Variants in CD276 observed in about 807,000 individuals in gnomAD.
The protein encoded by CD276 is CD276 antigen.
CD276 carries 34 observed loss-of-function variants against 50.0 expected under a neutral mutation model. The ratio of observed to expected loss-of-function variants is 0.68; its 90% CI spans 0.52 to 0.91. The LOEUF (loss-of-function observed/expected upper bound fraction) is 0.91, where lower values mean the gene tolerates loss of function less well. CD276 is among the 40% of genes least tolerant of loss of function. CD276 has a pLI of 0.00. For missense variants in CD276, 634 were observed against 717.5 expected, an observed-to-expected ratio of 0.88 and a Z score of 1.33; for synonymous variants, 275 against 313.0, an observed-to-expected ratio of 0.88 and a Z score of 1.28.
intron 1 of CD276, among the ~76,000 whole-genome samples, chr15:73,688,188 G>A: frequency 6.6e-6 from 1 of 152,084 alleles, no homozygotes. Flanking sequence ...CAGATGTGTG[G>A]CCTGACAGAG....
At chr15:73,712,784 C>G in intron 9 of CD276, 150 bp from the exon 10 acceptor site, 1 of 797,766 alleles carries the variant, frequency 1.3e-6, no homozygotes, top group Non-Finnish European at 2.0e-6. Flanking sequence ...GTGGTCAGCA[C>G]GGGGGCTGTC....
intron 1 of CD276, among the ~76,000 whole-genome samples, chr15:73,696,688 A>G (rs953728454): frequency 1.3e-5 from 2 of 152,110 alleles, no homozygotes; most frequent in Non-Finnish European, 2.9e-5. Context: ...ACCTGCCCAG[A>G]GTGGCAGGAA....
At chr15:73,686,714 C>T (rs546085112) in intron 1 of CD276, among the ~76,000 whole-genome samples, 33 of 152,274 alleles carry the variant, frequency 2.2e-4, no homozygotes, top group Admixed American at 5.9e-4. Flanking sequence ...AATTCCACAG[C>T]ACCTAAAGAG....
At chr15:73,708,918 T>C (rs1381901994) in intron 7 of CD276, among the ~76,000 whole-genome samples, 4 of 152,222 alleles carry the variant, frequency 2.6e-5, no homozygotes, top group African/African-American at 9.6e-5. Context: ...AGCTGCCATT[T>C]GCGGGGCTGA....
rs147193445 is a variant in CD276, at chr15:73,713,553, C to A, written c.*597C>A. ...CCCCTCCTTCCTCCTCTTGCTCTAG[C>A]CTTAATACTGGCCTTTTCCCTCCCT... On this transcript the variant is annotated 3_prime_UTR_variant, in exon 10 of 10. Coordinates refer to ENST00000318443, the MANE Select transcript of CD276 (RefSeq NM_001024736.2). The A allele has an allele frequency of 1.6e-3, 493 of 313,714 alleles. 2 individuals are homozygous for A. The highest frequency in any genetic ancestry group is 2.5e-3 in the Non-Finnish European group (417 of 163,976). The allele number at this position is 313,714 out of a possible 1,614,324, so 19.4% of individuals were successfully genotyped here.
chr15:73,689,190 G>GTT (rs780983157), intron 1 of CD276, among the ~76,000 whole-genome samples: 188 of 63,160 alleles, frequency 3.0e-3, no homozygotes, highest in South Asian at 9.3e-3. Context: ...TGTGCCTCCT[G>GTT]TGTGTGTGTG....
intron 2 of CD276, among the ~76,000 whole-genome samples, chr15:73,700,170 C>T (rs754402962): frequency 6.6e-6 from 1 of 152,256 alleles, no homozygotes; most frequent in East Asian, 1.9e-4. Context: ...CCTAGATTCG[C>T]CCCCACCTGG....
chr15:73,712,857 G>A (rs1900962960), intron 9 of CD276, 77 bp from the exon 10 acceptor site: 3 of 1,476,966 alleles, frequency 2.0e-6, no homozygotes, highest in South Asian at 1.2e-5. Flanking sequence ...TGGGCTTCTG[G>A]CATAATCCCA....
chr15:73,695,331 C>T (rs748772211), intron 1 of CD276, among the ~76,000 whole-genome samples: 2 of 152,150 alleles, frequency 1.3e-5, no homozygotes, highest in Non-Finnish European at 2.9e-5. Context: ...CAGGCAGTGT[C>T]AGGAGGACGG....
chr15:73,684,120 A>G (rs1011677117), upstream of CD276: 1 of 143,156 alleles, frequency 7.0e-6, no homozygotes, highest in African/African-American at 2.6e-5. Context: ...AAGTGTGGGA[A>G]CGGGGTGGGG....
chr15:73,692,087 C>T (rs531284419), intron 1 of CD276, among the ~76,000 whole-genome samples: 14 of 152,304 alleles, frequency 9.2e-5, no homozygotes, highest in Admixed American at 9.1e-4. Flanking sequence ...TCCTGAGTCT[C>T]AGCCTCTCCT....
intron 1 of CD276, among the ~76,000 whole-genome samples, chr15:73,688,723 G>A (rs920878429): frequency 3.3e-5 from 5 of 152,344 alleles, no homozygotes; most frequent in South Asian, 2.1e-4. Flanking sequence ...GCTGGACCAG[G>A]TGTACCGTAA....
At chr15:73,711,077 C>G in intron 8 of CD276, 58 bp from the exon 9 acceptor site, 1 of 1,597,328 alleles carries the variant, frequency 6.3e-7, no homozygotes. Flanking sequence ...GCCTGACTCC[C>G]TACCCCACCA....
chr15:73,687,008 A>G lies in CD276; in HGVS notation c.-55+2548A>G, dbSNP rs1376097520. On this transcript the variant is annotated intron_variant, in intron 1 of 9. Coordinates refer to ENST00000318443, the MANE Select transcript of CD276 (RefSeq NM_001024736.2). The surrounding 1 kb of genome is among the most constrained non-coding windows in gnomAD (Gnocchi z 4.0). ...GAGTGTTAGGGAAGTCCACCAGCAA[A>G]AGGGGGAGGGCACACCCAGGGCCTA... Among the ~76,000 whole-genome samples, 2 of 151,946 alleles carry G rather than the reference A, an allele frequency of 1.3e-5. No homozygotes were observed. Among genetic ancestry groups the G allele is most frequent in the African/African-American group, 4.8e-5 (2 of 41,374 alleles).
At chr15:73,697,255 T>C (rs1217692998) in intron 1 of CD276, among the ~76,000 whole-genome samples, 1 of 152,008 alleles carries the variant, frequency 6.6e-6, no homozygotes, top group Non-Finnish European at 1.5e-5. Context: ...AAGTGGCTGC[T>C]CAGGGCTTCC....
In CD276 at chr15:73,686,464, C is replaced by A. The variant is rs567745456; in HGVS notation, c.-55+2004C>A. Among the ~76,000 whole-genome samples, 5 of 152,254 alleles carry A rather than the reference C, an allele frequency of 3.3e-5. No homozygotes were observed. The East Asian group carries it at 9.6e-4, about 29-fold the overall frequency. The stretch of plus-strand genomic sequence containing the variant: ...ATATACCTGACAGCTGGCTTCGGTG[C>A]TTTAATATTTATGGAAAGGACAGTT... On this transcript the variant is annotated intron_variant, in intron 1 of 9. Transcript: ENST00000318443.
chr15:73,700,935 GC>G (rs1422047619), intron 2 of CD276, among the ~76,000 whole-genome samples: 1 of 2,082 alleles, frequency 4.8e-4, no homozygotes, highest in Middle Eastern at 0.17. Context: ...ATGGGGTCTT[GC>G]TCTGTTGCCA....
chr15:73,685,386 T>C (rs552621021), intron 1 of CD276, among the ~76,000 whole-genome samples: 1 of 150,890 alleles, frequency 6.6e-6, no homozygotes, highest in South Asian at 2.1e-4. Context: ...AAAAGCGTGA[T>C]AGATGACTCA....
At chr15:73,712,875 A>T in intron 9 of CD276, 59 bp from the exon 10 acceptor site, 1 of 1,568,198 alleles carries the variant, frequency 6.4e-7, no homozygotes, top group Non-Finnish European at 8.8e-7. Flanking sequence ...CCAAAAATAG[A>T]TCTTCTGGCA....
Sources: allele counts gnomAD v4.1 joint callset (sites outside exome capture counted in the v4.1 genomes callset), GRCh38; gene constraint gnomAD v4.1.1; non-coding constraint Gnocchi (gnomAD v3.1); transcripts MANE v1.5; gene names NCBI Gene and HGNC (gene_info 2026-07-23, HGNC 2026-07-21).